The following CEBPZ variants were observed in gnomAD, a reference collection of about 807,000 sequenced individuals.
CEBPZ encodes CCAAT/enhancer-binding protein zeta.
CEBPZ carries 78 observed loss-of-function variants against 104.5 expected under a neutral mutation model. The ratio of observed to expected loss-of-function variants is 0.75; its 90% CI spans 0.62 to 0.90. The LOEUF (loss-of-function observed/expected upper bound fraction) is 0.90. CEBPZ is among the 40% of genes least tolerant of loss of function. The probability of loss-of-function intolerance (pLI) is 0.00; values close to 1 mark genes in which losing one functional copy is unlikely to be tolerated. For missense variants in CEBPZ, 1,439 were observed against 1,233.5 expected, an observed-to-expected ratio of 1.17 and a Z score of -2.50; for synonymous variants, 470 against 427.0, an observed-to-expected ratio of 1.10 and a Z score of -1.24.
In CEBPZ at chr2:37,212,358, T is replaced by C; in HGVS notation, c.2580A>G (p.Gly860=). 6.2e-7 allele frequency: 1 copy of C among 1,613,618 alleles called. No individual in the cohort carries two copies. Among genetic ancestry groups the C allele is most frequent in the Non-Finnish European group, 8.5e-7 (1 of 1,179,802 alleles). ...ACCCAGCAAAATCCATATCATCCTT[T>C]CCAGAGCTGAAACAGTTATCATCTT... The part of the protein sequence containing the change: ...TFEDDNCFSS[G]KDDMDFAGNV... The change falls in exon 11 of 16, where the codon GGA becomes GGG. Residue 860 remains glycine, a synonymous_variant. Coordinates refer to ENST00000234170, the MANE Select transcript of CEBPZ (RefSeq NM_005760.3).
At chr2:37,216,877 T>G in intron 6 of CEBPZ, 107 bp downstream of exon 6, 1 of 910,336 alleles carries the variant, frequency 1.1e-6, no homozygotes, top group Non-Finnish European at 1.7e-6. Flanking sequence ...AGCAGTAAAA[T>G]GTACAAGATT....
At chr2:37,220,329 ATATAT>A (rs376912434) in intron 5 of CEBPZ, 51 bp downstream of exon 5, 103 of 430,210 alleles carry the variant, frequency 2.4e-4, no homozygotes, top group East Asian at 5.6e-4. Flanking sequence ...AAAAAAAAAA[ATATAT>A]ATATATATAT....
At chr2:37,206,605 C>T (rs949056192) in intron 13 of CEBPZ, among the ~76,000 whole-genome samples, 1 of 152,194 alleles carries the variant, frequency 6.6e-6, no homozygotes, top group Non-Finnish European at 1.5e-5. Context: ...TGATGCCCGC[C>T]TGGGCCTCCC....
At position 37,228,889 on chromosome 2, in the gene CEBPZ, C is replaced by T. The variant is rs2098386; in HGVS notation, c.304G>A (p.Val102Ile). The T allele has an allele frequency of 0.85, 1,372,380 of 1,607,696 alleles. 587,911 individuals carry two copies. Among genetic ancestry groups the T allele is most frequent in the East Asian group, 1 (44,737 of 44,764 alleles). The change falls in exon 2 of 16, where the codon GTT becomes ATT. Residue 102 changes from valine to isoleucine, a missense_variant. Transcript: ENST00000234170. ...TTTTCAGCTGGTTCATCTTCTTCAA[C>T]TAAGGAAGCTTTTGTATACTTCGCC... Reference protein sequence around the residue: ...NLAKYTKASLVEEDEPAEKEN... With the variant: ...NLAKYTKASLIEEDEPAEKEN...
At chr2:37,216,605 A>C (rs967308107) in intron 6 of CEBPZ, among the ~76,000 whole-genome samples, 187 bp from the exon 7 acceptor site, 1 of 152,242 alleles carries the variant, frequency 6.6e-6, no homozygotes, top group Admixed American at 6.5e-5. Flanking sequence ...ATACATATAC[A>C]TACATATTCT....
At chr2:37,203,239 T>G (rs1677367775) in intron 13 of CEBPZ, 4 of 306,980 alleles carry the variant, frequency 1.3e-5, no homozygotes, top group Non-Finnish European at 5.9e-6. Context: ...GAGTGTCTTC[T>G]TGCTTTTCAG....
At position 37,211,942 on chromosome 2, in the gene CEBPZ, C is replaced by T; in HGVS notation, c.2701G>A (p.Val901Ile). The T allele has an allele frequency of 6.2e-7, 1 of 1,613,798 alleles. No homozygotes were observed. Among genetic ancestry groups the T allele is most frequent in the Non-Finnish European group, 8.5e-7 (1 of 1,179,846 alleles). ...TCATCATCCATACTTCCTAAAGAAA[C>T]TTCATCGTCATCCAGGTTACCAAGT... ...DELGNLDDDE[V>I]SLGSMDDEEF... Residue 901 changes from valine (V) to isoleucine (I), a missense_variant, in exon 12 of 16, where the codon GTT becomes ATT. Coordinates refer to ENST00000234170, the MANE Select transcript of CEBPZ (RefSeq NM_005760.3).
At chr2:37,219,972 T>C (rs1664728906) in intron 5 of CEBPZ, among the ~76,000 whole-genome samples, 1 of 152,158 alleles carries the variant, frequency 6.6e-6, no homozygotes, top group African/African-American at 2.4e-5. Flanking sequence ...TTAATGCTTA[T>C]AATTATCATA....
intron 6 of CEBPZ, 58 bp from the exon 7 acceptor site, chr2:37,216,476 T>G (rs1474170589): frequency 1.6e-6 from 2 of 1,228,778 alleles, no homozygotes; most frequent in East Asian, 2.3e-5. Context: ...TGAATCCAAG[T>G]AAGAAAAAGG....
chr2:37,227,713 A>G lies in CEBPZ; in HGVS notation c.1480T>C (p.Tyr494His). The G allele has an allele frequency of 2.5e-6, 4 of 1,614,204 alleles. No homozygotes were observed. Among genetic ancestry groups the G allele is most frequent in the Non-Finnish European group, 3.4e-6 (4 of 1,180,030 alleles). The change falls in exon 2 of 16, where the codon TAC becomes CAC. Residue 494 changes from tyrosine to histidine, a missense_variant. Transcript: ENST00000234170. Reference protein sequence around the residue: ...SALLTGVNRAYPYSQTGDDKV... With the variant: ...SALLTGVNRAHPYSQTGDDKV... ...TCATCACCAGTCTGGGAATAAGGGT[A>G]TGCCCTATTCACACCTGTTAAAAGG...
Position 37,228,265 on chromosome 2 carries a change from G to T in CEBPZ, c.928C>A (p.Arg310Ser), listed in dbSNP as rs770737201. 1 of 1,614,144 alleles carries T rather than the reference G, an allele frequency of 6.2e-7. No homozygotes were observed. Among genetic ancestry groups the T allele is most frequent in the Non-Finnish European group, 8.5e-7 (1 of 1,180,006 alleles). The change falls in exon 2 of 16, where the codon CGT becomes AGT. Residue 310 changes from arginine (R) to serine (S), a missense_variant. Transcript: ENST00000234170. ...DNRKLRIFSQ[R>S]PFDKLEQLSS... ...AACTGTTCCAGTTTGTCAAAAGGAC[G>T]CTGGCTGAAAATCCTCAGCTTCCGA...
chr2:37,228,129 T>A lies in CEBPZ; in HGVS notation c.1064A>T (p.His355Leu), dbSNP rs754244281. ...AGTTTTAGTGGTTACTAATGTATCA[T>A]GACTTAAAGTTTCTAAGACCTGCAC... ...EFVQVLETLSHDTLVTTKTRA... is the reference protein window; with the variant it reads ...EFVQVLETLSLDTLVTTKTRA... Residue 355 changes from histidine (H) to leucine (L), a missense_variant, in exon 2 of 16, where the codon CAT becomes CTT. Coordinates refer to ENST00000234170, the MANE Select transcript of CEBPZ (RefSeq NM_005760.3). 2 of 1,614,216 alleles carry A rather than the reference T, an allele frequency of 1.2e-6. No homozygotes were observed. Among genetic ancestry groups the A allele is most frequent in the Non-Finnish European group, 1.7e-6 (2 of 1,180,034 alleles).
chr2:37,226,096 A>G (rs1452916817), intron 2 of CEBPZ, among the ~76,000 whole-genome samples: 1 of 151,814 alleles, frequency 6.6e-6, no homozygotes, highest in South Asian at 2.1e-4. Context: ...TTCGAGAAAC[A>G]CCGACAGATG....
rs751175662 is a variant in CEBPZ at position 37,228,092 on chromosome 2, G to T, written c.1101C>A (p.Thr367=). 39 of 1,614,020 alleles carry T rather than the reference G, an allele frequency of 2.4e-5. No homozygotes were observed. Among genetic ancestry groups the T allele is most frequent in the Non-Finnish European group, 3.2e-5 (38 of 1,180,036 alleles). The change falls in exon 2 of 16, where the codon ACC becomes ACA. Residue 367 remains threonine (T), a synonymous_variant. Coordinates refer to ENST00000234170, the MANE Select transcript of CEBPZ (RefSeq NM_005760.3). ...TGTTACAAAGCAGCTCATGAGCCAC[G>T]GTAAGGGCTCGAGTTTTAGTGGTTA... ...TLVTTKTRAL[T]VAHELLCNKP... is the part of the protein sequence containing the mutation.
At chr2:37,226,498 C>G (rs1333719042) in intron 2 of CEBPZ, among the ~76,000 whole-genome samples, 1 of 152,196 alleles carries the variant, frequency 6.6e-6, no homozygotes, top group Non-Finnish European at 1.5e-5. Flanking sequence ...GAACCTTGTG[C>G]AAGTTTCAAA....
chr2:37,216,047 T>C (rs1246599336), intron 8 of CEBPZ, 93 bp downstream of exon 8: 1 of 977,950 alleles, frequency 1.0e-6, no homozygotes, highest in African/African-American at 1.6e-5. Context: ...GCTCAGGTTT[T>C]ATTCTGATAA....
intron 13 of CEBPZ, among the ~76,000 whole-genome samples, chr2:37,207,177 T>C (rs1338169339): frequency 6.6e-6 from 1 of 152,120 alleles, no homozygotes. Context: ...ACCTAAGAAA[T>C]TAGACAGATG....
In CEBPZ at chr2:37,201,783, GTTT is replaced by G. The variant is rs148813970; in HGVS notation, c.3143_3145del (p.Lys1048del). Reference sequence around the variant, plus strand: ...AATAACTCATTTCCTTTGTTTTTTAGTTTTTTGAGTGGTTTTAATCCTCTTCTT... The same window carrying G: ...AATAACTCATTTCCTTTGTTTTTTAGTTTGAGTGGTTTTAATCCTCTTCTT... On this transcript the variant is annotated inframe_deletion, in exon 16 of 16. Coordinates refer to ENST00000234170, the MANE Select transcript of CEBPZ (RefSeq NM_005760.3). 0.047 allele frequency: 69,149 copies of G among 1,485,222 alleles called. 1,794 individuals carry two copies. The highest frequency in any genetic ancestry group is 0.053 in the Non-Finnish European group (56,555 of 1,063,378). The allele number at this position is 1,485,222 out of a possible 1,614,324, so 92.0% of individuals were successfully genotyped here.
In CEBPZ at chr2:37,228,775, T is replaced by C. The variant is rs773258820; in HGVS notation, c.418A>G (p.Lys140Glu). Residue 140 changes from lysine to glutamate, a missense_variant, in exon 2 of 16, where the codon AAA (lysine) becomes GAA (glutamate). By Grantham distance (56) the Lys-to-Glu change is moderately conservative. Transcript: ENST00000234170. ...ESQRTSVNKV[K>E]NKNRPEPHSD... ...TGTGGTTCTGGCCTATTCTTATTTTTCACCTTATTAACTGATGTCCTTTGA... is the reference window on the plus strand; with the variant it reads ...TGTGGTTCTGGCCTATTCTTATTTTCCACCTTATTAACTGATGTCCTTTGA... The C allele has an allele frequency of 1.9e-5, 31 of 1,613,842 alleles. No homozygotes were observed. The South Asian group carries it at 3.4e-4, about 18-fold the overall frequency.
Sources: allele counts gnomAD v4.1 joint callset (sites outside exome capture counted in the v4.1 genomes callset), GRCh38; gene constraint gnomAD v4.1.1; transcripts MANE v1.5; gene names NCBI Gene and HGNC (gene_info 2026-07-23, HGNC 2026-07-21).